The following MTHFD2L variants were observed in gnomAD, a reference collection of about 807,000 sequenced individuals.
The protein encoded by MTHFD2L is methylenetetrahydrofolate dehydrogenase (NADP+ dependent) 2 like, also known as bifunctional methylenetetrahydrofolate dehydrogenase/cyclohydrolase 2, mitochondrial.
In MTHFD2L, 29 loss-of-function variants were observed where a neutral mutation model predicts 34.9. The observed-to-expected ratio is 0.83, with a 90% CI of 0.62 to 1.13. The LOEUF is 1.13. Ranked by LOEUF, MTHFD2L falls within the 50% of genes most tolerant of loss-of-function variation. MTHFD2L has a pLI of 0.00. For missense variants in MTHFD2L, 481 were observed against 446.5 expected (o/e 1.08, Z -0.70); for synonymous variants, 167 against 155.7 (o/e 1.07, Z -0.54).
At chr4:74,184,353 A>G (rs532956951) in intron 3 of MTHFD2L, among the ~76,000 whole-genome samples, 1 of 152,176 alleles carries the variant, frequency 6.6e-6, no homozygotes, top group Non-Finnish European at 1.5e-5. Context: ...TTCTAACATG[A>G]ATCAAATGAA....
At chr4:74,148,817 C>G (rs762895463) in intron 1 of MTHFD2L, among the ~76,000 whole-genome samples, 1 of 151,676 alleles carries the variant, frequency 6.6e-6, no homozygotes, top group Non-Finnish European at 1.5e-5. Flanking sequence ...CATAAATAAA[C>G]GGAGAAATCA....
At chr4:74,293,241 G>A (rs936734762) in intron 7 of MTHFD2L, among the ~76,000 whole-genome samples, 19 of 151,872 alleles carry the variant, frequency 1.3e-4, no homozygotes, top group Non-Finnish European at 2.1e-4. Context: ...TCCCCTCCCT[G>A]TGTCCATGTG....
chr4:74,275,918 G>A (rs1320724112), intron 6 of MTHFD2L, among the ~76,000 whole-genome samples: 4 of 152,126 alleles, frequency 2.6e-5, no homozygotes, highest in Non-Finnish European at 5.9e-5. Context: ...TCTGATGATA[G>A]TTTCTTTTGC....
At chr4:74,231,617 A>G (rs1237804692) in intron 6 of MTHFD2L, among the ~76,000 whole-genome samples, 1 of 152,156 alleles carries the variant, frequency 6.6e-6, no homozygotes, top group Non-Finnish European at 1.5e-5. Context: ...TTCATGGTAC[A>G]GAGTAGTGAA....
chr4:74,228,616 A>G (rs977978568), intron 6 of MTHFD2L, among the ~76,000 whole-genome samples: 4 of 152,206 alleles, frequency 2.6e-5, no homozygotes, highest in Non-Finnish European at 5.9e-5. Flanking sequence ...TCTTGTAACT[A>G]AGTCAAAGCT....
intron 1 of MTHFD2L, among the ~76,000 whole-genome samples, chr4:74,138,490 T>C (rs1010372241): frequency 6.6e-6 from 1 of 152,112 alleles, no homozygotes; most frequent in Non-Finnish European, 1.5e-5. Flanking sequence ...TGGGTCATGG[T>C]AGAGAACTGT....
chr4:74,204,454 A>AT (rs1026102420), intron 5 of MTHFD2L, among the ~76,000 whole-genome samples: 19 of 151,926 alleles, frequency 1.3e-4, no homozygotes, highest in African/African-American at 4.4e-4. Flanking sequence ...TAATGATGTG[A>AT]TTTTTACCTT....
chr4:74,166,068 CAG>C (rs1411420792), intron 1 of MTHFD2L, among the ~76,000 whole-genome samples: 2 of 152,188 alleles, frequency 1.3e-5, no homozygotes, highest in African/African-American at 4.8e-5. Context: ...TGAGTTCCAT[CAG>C]AAGATTATTC....
chr4:74,249,328 T>G (rs1224069901), intron 6 of MTHFD2L, among the ~76,000 whole-genome samples: 1 of 152,100 alleles, frequency 6.6e-6, no homozygotes, highest in Non-Finnish European at 1.5e-5. Context: ...GTTTTCCATT[T>G]GCTTGGAAGA....
chr4:74,201,879 G>C (rs1218059662), intron 5 of MTHFD2L, among the ~76,000 whole-genome samples: 1 of 152,172 alleles, frequency 6.6e-6, no homozygotes, highest in Non-Finnish European at 1.5e-5. Context: ...AGATGTGTTA[G>C]CCTTAGAGAA....
intron 1 of MTHFD2L, among the ~76,000 whole-genome samples, chr4:74,162,432 A>G (rs759586432): frequency 6.6e-6 from 1 of 151,720 alleles, no homozygotes; most frequent in Non-Finnish European, 1.5e-5. Context: ...TCCAAAGACT[A>G]TCTAAAGATC....
At chr4:74,205,895 CA>C (rs1735213641) in intron 5 of MTHFD2L, among the ~76,000 whole-genome samples, 1 of 151,838 alleles carries the variant, frequency 6.6e-6, no homozygotes, top group South Asian at 2.1e-4. Flanking sequence ...GTCAGTGGCA[CA>C]AAATAAAATT....
chr4:74,283,204 C>T (rs1747718507), intron 7 of MTHFD2L, among the ~76,000 whole-genome samples: 1 of 152,278 alleles, frequency 6.6e-6, no homozygotes, highest in South Asian at 2.1e-4. Flanking sequence ...TTCAGTCCAG[C>T]ACATTTTACA....
At chr4:74,118,374 T>C (rs1269496290), upstream of MTHFD2L, among the ~76,000 whole-genome samples, 3 of 152,220 alleles carry the variant, frequency 2.0e-5, no homozygotes, top group South Asian at 2.1e-4. Flanking sequence ...GCAAAGGCTC[T>C]TCAACAGTGC....
chr4:74,125,468 G>A (rs1451614624), exon 1 of MTHFD2L: 6 of 152,122 alleles, frequency 3.9e-5, no homozygotes, highest in Admixed American at 3.9e-4. Context: ...AGAGACCTCT[G>A]CCTGAACATA....
rs1231822033 is a variant in MTHFD2L, at chr4:74,302,889, G to A, written c.*1080G>A. ...ACAATTTAAATTAGGAAATATATATGAATGTCGTTGAAGTCTATTTTGAGA... is the reference window on the plus strand; with the variant it reads ...ACAATTTAAATTAGGAAATATATATAAATGTCGTTGAAGTCTATTTTGAGA... On this transcript the variant is annotated 3_prime_UTR_variant, in exon 8 of 8. Transcript: ENST00000325278. 6.6e-6 allele frequency: 1 copy of A among 152,060 alleles called. No individual in the cohort carries two copies. The highest frequency in any genetic ancestry group is 2.4e-5 in the African/African-American group (1 of 41,414). 9.4% of individuals were successfully genotyped at this position (152,060 alleles called of 1,614,324 possible).
chr4:74,134,802 A>G (rs1402242701), intron 1 of MTHFD2L, among the ~76,000 whole-genome samples: 2 of 152,158 alleles, frequency 1.3e-5, no homozygotes, highest in Non-Finnish European at 2.9e-5. Flanking sequence ...TCTTGTAACT[A>G]AGAACTACAT....
At chr4:74,198,779 A>G (rs1733914915) in intron 3 of MTHFD2L, among the ~76,000 whole-genome samples, 1 of 152,154 alleles carries the variant, frequency 6.6e-6, no homozygotes. Context: ...TTGAATGGAG[A>G]GACTTTCCAA....
chr4:74,227,478 C>T (rs951773158), intron 6 of MTHFD2L, among the ~76,000 whole-genome samples: 4 of 152,106 alleles, frequency 2.6e-5, no homozygotes, highest in African/African-American at 9.7e-5. Context: ...AGTAAAGGCA[C>T]AAATCAAGAA....
Sources: gnomAD v4.1 joint callset for allele counts (sites outside exome capture counted in the v4.1 genomes callset) on GRCh38, gnomAD v4.1.1 for gene constraint, MANE v1.5 for transcripts, NCBI Gene and HGNC (gene_info 2026-07-23, HGNC 2026-07-21) for gene names.